The following DLGAP2 variants were observed in gnomAD, a reference collection of about 807,000 sequenced individuals.
DLGAP2 encodes DLG associated protein 2, also known as disks large-associated protein 2.
Under a neutral mutation model 100.3 loss-of-function variants are expected in DLGAP2, and 26 were observed. That is an observed-to-expected ratio of 0.26 (90% CI 0.19 to 0.36). The LOEUF (loss-of-function observed/expected upper bound fraction) is 0.36, where lower values mean the gene tolerates loss of function less well. Ranked by LOEUF, DLGAP2 falls within the 10% of genes least tolerant of loss-of-function variation. The pLI is 1.00. For synonymous variants in DLGAP2, 886 were observed against 630.1 expected, an observed-to-expected ratio of 1.41 and a Z score of -6.08; for missense variants, 1,858 against 1,453.2, an observed-to-expected ratio of 1.28 and a Z score of -4.53.
Position 1,096,478 on chromosome 8 carries a change from G to C in DLGAP2, c.74-162373G>C, listed in dbSNP as rs532112589. 1.1e-4 allele frequency among the ~76,000 whole-genome samples: 16 copies of C among 152,294 alleles called. No homozygotes were observed. In the South Asian group the frequency reaches 2.7e-3, roughly 26 times the overall value. ...CCCAGCGTGAGAACTACCTCCCTGTGCTCCAGAGTCGAGGGACTCATCAAG... is the reference window on the plus strand; with the variant it reads ...CCCAGCGTGAGAACTACCTCCCTGTCCTCCAGAGTCGAGGGACTCATCAAG... On this transcript the variant is annotated intron_variant, in intron 2 of 14. Coordinates refer to ENST00000637795, the MANE Select transcript of DLGAP2 (RefSeq NM_001346810.2).
intron 2 of DLGAP2, among the ~76,000 whole-genome samples, chr8:1,103,426 G>A (rs1026738156): frequency 2.8e-4 from 42 of 151,338 alleles, no homozygotes; most frequent in Non-Finnish European, 5.2e-4. Flanking sequence ...ATGACTGGCA[G>A]GGCTTTGGTT....
At chr8:1,274,477 A>G (rs979746503) in intron 3 of DLGAP2, among the ~76,000 whole-genome samples, 57 of 148,228 alleles carry the variant, frequency 3.8e-4, no homozygotes, top group Non-Finnish European at 1.2e-4. Context: ...ATTTTAGAAC[A>G]TAAACCATAA....
intron 2 of DLGAP2, among the ~76,000 whole-genome samples, chr8:938,646 G>C (rs1483690778): frequency 2.0e-5 from 3 of 152,234 alleles, no homozygotes; most frequent in Non-Finnish European, 4.4e-5. Context: ...CTCCTGCTCA[G>C]AAGCCAGAGT....
chr8:1,180,213 TATAAC>T (rs151336964), intron 2 of DLGAP2, among the ~76,000 whole-genome samples: 5,755 of 152,276 alleles, frequency 0.038, 393 homozygotes, highest in African/African-American at 0.13. Context: ...TTAATTGACT[TATAAC>T]TTACAGTGAA....
chr8:1,165,120 G>A (rs148295975), intron 2 of DLGAP2, among the ~76,000 whole-genome samples: 1 of 143,688 alleles, frequency 7.0e-6, no homozygotes, highest in Non-Finnish European at 1.5e-5. Context: ...CACTTCTGCT[G>A]CCAGATAGAG....
At chr8:1,147,529 T>C (rs1657112011) in intron 2 of DLGAP2, among the ~76,000 whole-genome samples, 1 of 146,946 alleles carries the variant, frequency 6.8e-6, no homozygotes, top group Admixed American at 7.0e-5. Context: ...GTAATTTTTA[T>C]ACCTTCTTCT....
At chr8:1,053,088 A>T (rs992366227) in intron 2 of DLGAP2, among the ~76,000 whole-genome samples, 1 of 152,206 alleles carries the variant, frequency 6.6e-6, no homozygotes, top group Non-Finnish European at 1.5e-5. Context: ...AGCATATGTA[A>T]TGTGCTTTGC....
chr8:1,306,723 A>G (rs990348603), intron 3 of DLGAP2, among the ~76,000 whole-genome samples: 7 of 152,230 alleles, frequency 4.6e-5, no homozygotes, highest in Non-Finnish European at 1.0e-4. Flanking sequence ...AACAGAATAG[A>G]GAGTCCAGAA....
At chr8:794,122 T>G (rs1443594900) in intron 1 of DLGAP2, among the ~76,000 whole-genome samples, 1 of 150,018 alleles carries the variant, frequency 6.7e-6, no homozygotes, top group Non-Finnish European at 1.5e-5. Context: ...CCTTGTGGTG[T>G]TGTAGATTAG....
At chr8:900,959 T>A (rs900245173) in intron 1 of DLGAP2, among the ~76,000 whole-genome samples, 2 of 151,758 alleles carry the variant, frequency 1.3e-5, no homozygotes, top group Admixed American at 6.6e-5. Flanking sequence ...AGGATATGAG[T>A]TTTTATTGTC....
intron 1 of DLGAP2, among the ~76,000 whole-genome samples, chr8:765,751 T>C (rs2132597273): frequency 6.6e-6 from 1 of 152,272 alleles, no homozygotes. Context: ...TGTCTGTCTT[T>C]CCCACTGTGG....
chr8:1,424,307 CTTA>C (rs1204243686), intron 3 of DLGAP2, among the ~76,000 whole-genome samples: 1 of 152,216 alleles, frequency 6.6e-6, no homozygotes, highest in Non-Finnish European at 1.5e-5. Flanking sequence ...ACAACAGAGA[CTTA>C]TTAAGACGTG....
intron 2 of DLGAP2, among the ~76,000 whole-genome samples, chr8:1,189,221 C>T (rs1325128800): frequency 6.9e-6 from 1 of 145,154 alleles, no homozygotes; most frequent in Non-Finnish European, 1.5e-5. Context: ...GGGCCCCAGG[C>T]CGGTTCCGCG....
At chr8:1,289,584 G>T (rs747205014) in intron 3 of DLGAP2, among the ~76,000 whole-genome samples, 1 of 152,138 alleles carries the variant, frequency 6.6e-6, no homozygotes, top group Non-Finnish European at 1.5e-5. Flanking sequence ...GTCATTTTCA[G>T]TGCAGCCTTG....
chr8:737,834 C>A lies in DLGAP2; in HGVS notation c.18+9C>A. On this transcript the variant is annotated intron_variant, in intron 1 of 14. Transcript: ENST00000637795. ...TGTCCGCGCTGAGGAAGGTGCGAGC[C>A]GCCGGGGGCTGCCGGGAGCCGGGCG... 1 of 378,570 alleles carries A rather than the reference C, an allele frequency of 2.6e-6. No individual in the cohort carries two copies. Among genetic ancestry groups the A allele is most frequent in the Non-Finnish European group, 4.7e-6 (1 of 212,954 alleles). 23.5% of individuals were successfully genotyped at this position (378,570 alleles called of 1,614,324 possible).
chr8:1,525,191 C>CTTTT (rs56358216), intron 4 of DLGAP2, among the ~76,000 whole-genome samples: 10 of 103,670 alleles, frequency 9.6e-5, no homozygotes, highest in African/African-American at 2.6e-4. Context: ...ACTCTGATGT[C>CTTTT]TTTTTTTTTT....
chr8:1,226,017 T>C (rs909020003), intron 2 of DLGAP2, among the ~76,000 whole-genome samples: 2 of 152,164 alleles, frequency 1.3e-5, no homozygotes, highest in Non-Finnish European at 2.9e-5. Flanking sequence ...CATAGGTATA[T>C]ATGCATATAT....
At position 917,051 on chromosome 8, in the gene DLGAP2, C is replaced by G. The variant is rs941103293; in HGVS notation, c.73+9085C>G. On this transcript the variant is annotated intron_variant, in intron 2 of 14. Coordinates refer to ENST00000637795, the MANE Select transcript of DLGAP2 (RefSeq NM_001346810.2). The stretch of plus-strand genomic sequence containing the variant: ...GTGAGAGGCAGGAAGCTTGTGGAGC[C>G]ACTGCTTTTTCATAGCTTGTCCTGC... 2.0e-5 allele frequency among the ~76,000 whole-genome samples: 3 copies of G among 152,172 alleles called. No homozygotes were observed. The East Asian group carries it at 5.8e-4, about 29-fold the overall frequency.
intron 2 of DLGAP2, among the ~76,000 whole-genome samples, chr8:1,256,599 G>T (rs891545108): frequency 6.6e-6 from 1 of 152,060 alleles, no homozygotes; most frequent in African/African-American, 2.4e-5. Flanking sequence ...TCCTGCCCGG[G>T]TGCTGTGTGT....
Sources: gnomAD v4.1 joint callset for allele counts (sites outside exome capture counted in the v4.1 genomes callset) on GRCh38, gnomAD v4.1.1 for gene constraint, MANE v1.5 for transcripts, NCBI Gene and HGNC (gene_info 2026-07-23, HGNC 2026-07-21) for gene names.